MGLL: variants seen among roughly 807,000 people sequenced by gnomAD.
MGLL encodes the protein lysophospholipase homolog.
In MGLL, 7 loss-of-function variants were observed where a neutral mutation model predicts 29.1. The observed-to-expected ratio is 0.24, with a 90% CI of 0.14 to 0.45. The LOEUF (loss-of-function observed/expected upper bound fraction) is 0.45, where lower values mean the gene tolerates loss of function less well. Ranked by LOEUF, MGLL falls within the 20% of genes least tolerant of loss-of-function variation. MGLL has a pLI of 0.99. For missense variants in MGLL, 356 were observed against 413.6 expected, an observed-to-expected ratio of 0.86 and a Z score of 1.21; for synonymous variants, 148 against 168.3, an observed-to-expected ratio of 0.88 and a Z score of 0.93.
At chr3:127,728,134 C>T (rs540535415) in intron 3 of MGLL, among the ~76,000 whole-genome samples, 6 of 152,304 alleles carry the variant, frequency 3.9e-5, no homozygotes, top group East Asian at 3.9e-4. Flanking sequence ...AATATGAAAA[C>T]GTGTACTTGA....
At chr3:127,719,934 CTTT>C (rs2075886961) in intron 5 of MGLL, among the ~76,000 whole-genome samples, 1 of 152,180 alleles carries the variant, frequency 6.6e-6, no homozygotes, top group African/African-American at 2.4e-5. Context: ...CCTGATTTCT[CTTT>C]TGCCAAGCCG....
intron 3 of MGLL, among the ~76,000 whole-genome samples, chr3:127,747,049 G>C (rs921746575): frequency 6.6e-6 from 1 of 152,206 alleles, no homozygotes; most frequent in South Asian, 2.1e-4. Context: ...GTCTGCCTTT[G>C]TGTGTCCCTG....
intron 3 of MGLL, among the ~76,000 whole-genome samples, chr3:127,765,937 GGCTTGTTGAGCACCTACTATGT>G (rs1360889978): frequency 6.6e-6 from 1 of 152,136 alleles, no homozygotes; most frequent in Non-Finnish European, 1.5e-5. Flanking sequence ...ACAGTATGGG[GGCTTGTTGAGCACCTACTATGT>G]GCCCAGCAGC....
intron 2 of MGLL, among the ~76,000 whole-genome samples, chr3:127,801,534 T>G (rs1362788812): frequency 1.3e-5 from 2 of 151,240 alleles, no homozygotes; most frequent in Non-Finnish European, 2.9e-5. Flanking sequence ...GAGAATCACT[T>G]GAACCCGGGA....
chr3:127,718,321 G>T (rs2075855058), intron 5 of MGLL, among the ~76,000 whole-genome samples: 2 of 152,176 alleles, frequency 1.3e-5, no homozygotes, highest in Admixed American at 1.3e-4. Flanking sequence ...AGGAGGCTGG[G>T]ACTTGACTGT....
At chr3:127,696,372 G>A (rs1166586657) in intron 6 of MGLL, among the ~76,000 whole-genome samples, 6 of 147,966 alleles carry the variant, frequency 4.1e-5, no homozygotes, top group African/African-American at 1.5e-4. Context: ...GCCCATAGAG[G>A]GCAGGAGTGA....
chr3:127,792,613 G>T (rs1463462855), intron 2 of MGLL, among the ~76,000 whole-genome samples: 3 of 152,178 alleles, frequency 2.0e-5, no homozygotes, highest in Admixed American at 6.5e-5. Flanking sequence ...TGAGGCAGGA[G>T]AATCACTTGA....
At chr3:127,713,637 C>T (rs1441822145) in intron 5 of MGLL, 1 of 152,288 alleles carries the variant, frequency 6.6e-6, no homozygotes, top group African/African-American at 2.4e-5. Context: ...AAGCCCACCA[C>T]CAGATTTCTC....
Position 127,781,772 on chromosome 3 carries a change from C to A in MGLL, c.262+17G>T, listed in dbSNP as rs747672292. 1 of 1,612,576 alleles carries A rather than the reference C, an allele frequency of 6.2e-7. No individual in the cohort carries two copies. The highest frequency in any genetic ancestry group is 1.1e-5 in the South Asian group (1 of 91,050). On this transcript the variant is annotated intron_variant, in intron 3 of 7. Transcript: ENST00000265052. The stretch of plus-strand genomic sequence containing the variant: ...GTCAGGGCCCAGCCAGCTCTGACGG[C>A]ACCCTGGGACACTCACCATGGTCGT...
chr3:127,753,436 C>T (rs1184036569), intron 3 of MGLL, among the ~76,000 whole-genome samples: 1 of 152,234 alleles, frequency 6.6e-6, no homozygotes, highest in Admixed American at 6.5e-5. Context: ...TCTGTCCCTG[C>T]ACAAAATGGC....
chr3:127,693,755 G>A (rs1000858282), intron 7 of MGLL, among the ~76,000 whole-genome samples: 3 of 152,196 alleles, frequency 2.0e-5, no homozygotes, highest in Admixed American at 6.5e-5. Flanking sequence ...TTCCGGGGGG[G>A]CAGGGCAGAG....
At chr3:127,769,535 A>G (rs1473139708) in intron 3 of MGLL, among the ~76,000 whole-genome samples, 7 of 152,208 alleles carry the variant, frequency 4.6e-5, no homozygotes, top group African/African-American at 9.7e-5. Context: ...CACTTCTCAG[A>G]TGAAGATGGC....
At chr3:127,778,398 C>T (rs1322852760) in intron 3 of MGLL, among the ~76,000 whole-genome samples, 1 of 152,184 alleles carries the variant, frequency 6.6e-6, no homozygotes, top group African/African-American at 2.4e-5. Context: ...TGGGGTCACG[C>T]CCACCTGGGT....
intron 2 of MGLL, among the ~76,000 whole-genome samples, chr3:127,790,574 T>C (rs901557872): frequency 9.2e-5 from 14 of 152,290 alleles, no homozygotes; most frequent in Middle Eastern, 3.4e-3. Flanking sequence ...ATAAAGGCAC[T>C]GTTAGTCCTT....
chr3:127,762,340 C>T (rs1290577648), intron 3 of MGLL, among the ~76,000 whole-genome samples: 1 of 152,142 alleles, frequency 6.6e-6, no homozygotes, highest in Non-Finnish European at 1.5e-5. Flanking sequence ...TGGTCACATG[C>T]TGTTTGAGCT....
intron 3 of MGLL, among the ~76,000 whole-genome samples, chr3:127,741,527 T>C (rs2076339965): frequency 6.6e-6 from 1 of 152,224 alleles, no homozygotes. Flanking sequence ...CCACGATGCG[T>C]GTGTTACACC....
chr3:127,783,683 A>G (rs1306865186), intron 2 of MGLL: 2 of 152,176 alleles, frequency 1.3e-5, no homozygotes, highest in African/African-American at 4.8e-5. Flanking sequence ...CCTTTTTCCT[A>G]AAGAAGCCAG....
intron 3 of MGLL, among the ~76,000 whole-genome samples, chr3:127,778,840 CT>C (rs1272321951): frequency 7.0e-6 from 1 of 143,778 alleles, no homozygotes; most frequent in Non-Finnish European, 1.6e-5. Flanking sequence ...CAGCCTTGAA[CT>C]CTCAGGCTCA....
intron 6 of MGLL, among the ~76,000 whole-genome samples, chr3:127,700,833 T>A (rs548064350): frequency 1.3e-5 from 2 of 152,334 alleles, no homozygotes; most frequent in East Asian, 3.9e-4. Context: ...AAAGCCCCGA[T>A]AGCTTGCTTT....
Sources: gnomAD v4.1 joint callset for allele counts (sites outside exome capture counted in the v4.1 genomes callset) on GRCh38, gnomAD v4.1.1 for gene constraint, MANE v1.5 for transcripts, NCBI Gene and HGNC (gene_info 2026-07-23, HGNC 2026-07-21) for gene names.